Variants in GMDS observed in about 807,000 individuals in gnomAD.
GMDS encodes the protein GDP-mannose 4,6-dehydratase, also known as GDP-mannose 4,6 dehydratase.
Under a neutral mutation model 49.9 loss-of-function variants are expected in GMDS, and 20 were observed. That is an observed-to-expected ratio of 0.40 (90% CI 0.28 to 0.58). The LOEUF (loss-of-function observed/expected upper bound fraction) is 0.58, where lower values mean the gene tolerates loss of function less well. Among genes scored for constraint, GMDS ranks in the 20% least tolerant of loss-of-function variants. The pLI, the probability that GMDS is intolerant of heterozygous loss-of-function variation, is 0.42. For missense variants in GMDS, 362 were observed against 481.4 expected, an observed-to-expected ratio of 0.75 and a Z score of 2.32; for synonymous variants, 177 against 178.6, an observed-to-expected ratio of 0.99 and a Z score of 0.07.
At chr6:2,220,090 T>C (rs1273154630) in intron 1 of GMDS, among the ~76,000 whole-genome samples, 1 of 152,192 alleles carries the variant, frequency 6.6e-6, no homozygotes, top group African/African-American at 2.4e-5. Flanking sequence ...CATGAAATCC[T>C]GTCAGTGTAT....
intron 4 of GMDS, among the ~76,000 whole-genome samples, chr6:2,040,465 G>A (rs144301647): frequency 1.8e-3 from 274 of 152,266 alleles, no homozygotes; most frequent in Admixed American, 2.6e-3. Flanking sequence ...TGATCTACAT[G>A]GCTTACTTGC....
At chr6:2,023,106 T>C (rs940737829) in intron 4 of GMDS, among the ~76,000 whole-genome samples, 8 of 152,212 alleles carry the variant, frequency 5.3e-5, no homozygotes, top group South Asian at 4.1e-4. Context: ...AGAGATGTTC[T>C]GGGCATTTTT....
At chr6:1,871,057 A>AGCAC (rs936519485) in intron 7 of GMDS, among the ~76,000 whole-genome samples, 3 of 111,982 alleles carry the variant, frequency 2.7e-5, no homozygotes, top group Non-Finnish European at 5.1e-5. Flanking sequence ...ACTATCCCCC[A>AGCAC]GCACACACAC....
chr6:2,165,523 A>G lies in GMDS; in HGVS notation c.103-40792T>C, dbSNP rs1032009906. ...GGGCCCACCCACATTAGGGAGGGCC[A>G]TCTGTTATACTCAAGTTTACCAACA... On this transcript the variant is annotated intron_variant, in intron 1 of 10. Coordinates refer to ENST00000380815, the MANE Select transcript of GMDS (RefSeq NM_001500.4). 8.5e-5 allele frequency among the ~76,000 whole-genome samples: 13 copies of G among 152,348 alleles called. No individual in the cohort carries two copies. In the East Asian group the frequency reaches 2.5e-3, roughly 29 times the overall value.
chr6:1,930,086 A>G lies in GMDS; in HGVS notation c.771+17T>C. 1 of 1,596,700 alleles carries G rather than the reference A, an allele frequency of 6.3e-7. No individual in the cohort carries two copies. The highest frequency in any genetic ancestry group is 8.6e-7 in the Non-Finnish European group (1 of 1,168,612). ...TGGATACGGGTATTTTCAAGAATGT[A>G]ATGTGTCAGTTCCTACCTCCACATA... On this transcript the variant is annotated intron_variant, in intron 7 of 10. Transcript: ENST00000380815.
intron 1 of GMDS, among the ~76,000 whole-genome samples, chr6:2,226,681 C>T (rs1172365007): frequency 6.6e-6 from 1 of 152,202 alleles, no homozygotes; most frequent in Non-Finnish European, 1.5e-5. Flanking sequence ...TCTGATTCTA[C>T]TAGCATTTAC....
At position 1,836,488 on chromosome 6, in the gene GMDS, A is replaced by G. The variant is rs114620311; in HGVS notation, c.771+93615T>C. Reference sequence around the variant, plus strand: ...AGTATTTTCTATTATGTTGCTAGATAAAGACATTTTTAGAGTTTCACTGAA... The same window carrying G: ...AGTATTTTCTATTATGTTGCTAGATGAAGACATTTTTAGAGTTTCACTGAA... On this transcript the variant is annotated intron_variant, in intron 7 of 10. Coordinates refer to ENST00000380815, the MANE Select transcript of GMDS (RefSeq NM_001500.4). This position sits in a 1 kb window ranked among gnomAD's most constrained non-coding sequence, Gnocchi z 4.2. Among the ~76,000 whole-genome samples the G allele has an allele frequency of 5.7e-3, 864 of 152,354 alleles. 2 individuals carry two copies. The highest frequency in any genetic ancestry group is 8.6e-3 in the Non-Finnish European group (584 of 68,038).
chr6:1,863,649 A>T (rs1758303876), intron 7 of GMDS, among the ~76,000 whole-genome samples: 1 of 152,182 alleles, frequency 6.6e-6, no homozygotes, highest in Admixed American at 6.5e-5. Flanking sequence ...ACAAATGAAA[A>T]TTCTTCTTTA....
intron 1 of GMDS, among the ~76,000 whole-genome samples, chr6:2,176,183 G>C (rs1778275593): frequency 6.6e-6 from 1 of 151,914 alleles, no homozygotes; most frequent in African/African-American, 2.4e-5. Flanking sequence ...TACCAAAACA[G>C]GACAGATTCT....
chr6:1,711,809 G>A (rs1054937397), intron 9 of GMDS, among the ~76,000 whole-genome samples: 5 of 152,178 alleles, frequency 3.3e-5, no homozygotes, highest in African/African-American at 9.7e-5. Context: ...CAGCATGGAT[G>A]AAAGTCCCTG....
At chr6:1,961,118 T>C (rs1486281692) in intron 4 of GMDS, 152 bp from the exon 5 acceptor site, 8 of 485,910 alleles carry the variant, frequency 1.6e-5, no homozygotes, top group Non-Finnish European at 1.1e-5. Flanking sequence ...GGATGTCATC[T>C]ACATACAGTA....
At chr6:2,193,067 G>A (rs2127570577) in intron 1 of GMDS, among the ~76,000 whole-genome samples, 1 of 152,310 alleles carries the variant, frequency 6.6e-6, no homozygotes, top group Admixed American at 6.5e-5. Context: ...GAACGTTTCA[G>A]TTGTCACAAT....
chr6:1,764,146 G>C (rs1184978421), intron 7 of GMDS, among the ~76,000 whole-genome samples: 4 of 152,186 alleles, frequency 2.6e-5, no homozygotes, highest in Admixed American at 6.5e-5. Flanking sequence ...AGTAAAAACA[G>C]TGCTGGTAAC....
At chr6:1,692,120 T>G (rs1010549928) in intron 9 of GMDS, among the ~76,000 whole-genome samples, 10 of 152,258 alleles carry the variant, frequency 6.6e-5, no homozygotes, top group African/African-American at 2.2e-4. Context: ...AGATGCTTCC[T>G]GCCCTGGAAC....
At chr6:2,074,516 T>C (rs1017799864) in intron 4 of GMDS, among the ~76,000 whole-genome samples, 1 of 152,202 alleles carries the variant, frequency 6.6e-6, no homozygotes, top group Non-Finnish European at 1.5e-5. Flanking sequence ...TAGTTTAATA[T>C]AGTGCCATTT....
intron 4 of GMDS, among the ~76,000 whole-genome samples, chr6:2,043,998 C>T (rs59082356): frequency 6.6e-6 from 1 of 152,172 alleles, no homozygotes; most frequent in East Asian, 1.9e-4. Flanking sequence ...GAGAAATGCA[C>T]ATCAAAATAC....
chr6:1,883,261 C>A (rs1284694255), intron 7 of GMDS, among the ~76,000 whole-genome samples: 1 of 151,938 alleles, frequency 6.6e-6, no homozygotes, highest in African/African-American at 2.4e-5. Context: ...TGTGGTGAGG[C>A]ACGCCTACAA....
intron 6 of GMDS, among the ~76,000 whole-genome samples, chr6:1,959,057 G>C (rs1211771828): frequency 6.6e-6 from 1 of 152,178 alleles, no homozygotes; most frequent in Non-Finnish European, 1.5e-5. Context: ...AAAAATACCT[G>C]ATAATACTTC....
intron 7 of GMDS, among the ~76,000 whole-genome samples, chr6:1,911,224 A>C (rs1308145062): frequency 6.6e-6 from 1 of 152,220 alleles, no homozygotes; most frequent in Non-Finnish European, 1.5e-5. Flanking sequence ...CTCCAGGGAC[A>C]TGCTAATGTC....
Sources: gnomAD v4.1 joint callset for allele counts (sites outside exome capture counted in the v4.1 genomes callset) on GRCh38, gnomAD v4.1.1 for gene constraint, Gnocchi (gnomAD v3.1) non-coding constraint, MANE v1.5 for transcripts, NCBI Gene and HGNC (gene_info 2026-07-23, HGNC 2026-07-21) for gene names.